Variants in CDH13 observed in about 807,000 individuals in gnomAD.
CDH13 encodes cadherin 13.
CDH13 carries 24 observed loss-of-function variants against 63.8 expected under a neutral mutation model. That is an observed-to-expected ratio of 0.38 (90% CI 0.27 to 0.53). CDH13 has a LOEUF of 0.53. Ranked by LOEUF, CDH13 falls within the 20% of genes least tolerant of loss-of-function variation. The probability of loss-of-function intolerance (pLI) is 0.85; values close to 1 mark genes in which losing one functional copy is unlikely to be tolerated. For missense variants in CDH13, 1,049 were observed against 903.1 expected (o/e 1.16, Z -2.07); for synonymous variants, 503 against 355.3 (o/e 1.42, Z -4.67).
At chr16:83,350,795 G>A (rs1260272293) in intron 6 of CDH13, among the ~76,000 whole-genome samples, 2 of 152,204 alleles carry the variant, frequency 1.3e-5, no homozygotes, top group African/African-American at 4.8e-5. Context: ...TGAGATAGGA[G>A]GCCGCTCTGA....
At chr16:83,173,166 T>C (rs1474018083) in intron 4 of CDH13, among the ~76,000 whole-genome samples, 1 of 152,156 alleles carries the variant, frequency 6.6e-6, no homozygotes, top group Non-Finnish European at 1.5e-5. Flanking sequence ...CTATGCCACT[T>C]ACATATGTCC....
rs151109520 is a variant in CDH13 at position 83,565,117 on chromosome 16, G to A, written c.961-37337G>A. Among the ~76,000 whole-genome samples, 1,086 of 152,212 alleles carry A rather than the reference G, an allele frequency of 7.1e-3. 12 individuals are homozygous for A. Among genetic ancestry groups the A allele is most frequent in the African/African-American group, 0.024 (1,003 of 41,528 alleles). Reference sequence around the variant, plus strand: ...GCCAGGTCTGTGGGTCCTCTTTCATGTTTGTAGTTCTCCAATACTCTTCAG... The same window carrying A: ...GCCAGGTCTGTGGGTCCTCTTTCATATTTGTAGTTCTCCAATACTCTTCAG... On this transcript the variant is annotated intron_variant, in intron 7 of 13. Coordinates refer to ENST00000567109, the MANE Select transcript of CDH13 (RefSeq NM_001257.5).
intron 6 of CDH13, among the ~76,000 whole-genome samples, chr16:83,350,852 C>T (rs1397609888): frequency 1.3e-5 from 2 of 152,174 alleles, no homozygotes; most frequent in African/African-American, 2.4e-5. Context: ...CTCCAGGATC[C>T]ACCTGAGTTC....
intron 3 of CDH13, among the ~76,000 whole-genome samples, chr16:83,072,425 T>G (rs1328734711): frequency 6.6e-6 from 1 of 152,168 alleles, no homozygotes; most frequent in African/African-American, 2.4e-5. Flanking sequence ...ACACAATTAG[T>G]TTTTCCTGGA....
chr16:82,669,696 T>C (rs1176028186), intron 1 of CDH13, among the ~76,000 whole-genome samples: 2 of 152,230 alleles, frequency 1.3e-5, no homozygotes, highest in Non-Finnish European at 1.5e-5. Context: ...ACCTTTTCCA[T>C]ACAACTGTGC....
intron 3 of CDH13, among the ~76,000 whole-genome samples, chr16:83,104,339 T>C (rs993688943): frequency 1.3e-5 from 2 of 152,128 alleles, no homozygotes; most frequent in African/African-American, 4.8e-5. Flanking sequence ...AAGAATTTAT[T>C]AATGTAAACT....
chr16:83,297,376 A>G (rs546615065), intron 5 of CDH13, among the ~76,000 whole-genome samples: 22 of 152,320 alleles, frequency 1.4e-4, no homozygotes, highest in African/African-American at 4.6e-4. Context: ...TACGTCAATT[A>G]TTATGTGTCA....
chr16:83,398,455 T>C (rs1266322570), intron 6 of CDH13, among the ~76,000 whole-genome samples: 2 of 152,234 alleles, frequency 1.3e-5, no homozygotes, highest in Non-Finnish European at 2.9e-5. Context: ...ACATTTGCTA[T>C]TGGATTTAGG....
At chr16:83,352,333 T>G (rs1397931226) in intron 6 of CDH13, among the ~76,000 whole-genome samples, 1 of 152,188 alleles carries the variant, frequency 6.6e-6, no homozygotes, top group Non-Finnish European at 1.5e-5. Flanking sequence ...ACCTAGTCGT[T>G]CAAGAGGAAA....
intron 2 of CDH13, among the ~76,000 whole-genome samples, chr16:82,950,174 G>T (rs1464230737): frequency 2.6e-5 from 4 of 152,116 alleles, no homozygotes; most frequent in Non-Finnish European, 5.9e-5. Flanking sequence ...TCTGAGGGCT[G>T]TGAGGGGAAT....
chr16:83,048,282 G>A (rs1244634988), intron 3 of CDH13, among the ~76,000 whole-genome samples: 1 of 152,194 alleles, frequency 6.6e-6, no homozygotes, highest in African/African-American at 2.4e-5. Flanking sequence ...TATAAGGATT[G>A]ACTGAAATTA....
intron 4 of CDH13, among the ~76,000 whole-genome samples, chr16:83,168,608 T>TAA (rs149816946): frequency 1.3e-5 from 2 of 151,996 alleles, no homozygotes; most frequent in African/African-American, 4.8e-5. Context: ...AAAATAAATT[T>TAA]TAAAAAAAAC....
intron 5 of CDH13, among the ~76,000 whole-genome samples, chr16:83,260,477 G>A (rs935428308): frequency 6.6e-6 from 1 of 152,198 alleles, no homozygotes; most frequent in Non-Finnish European, 1.5e-5. Context: ...ACCAAGGGGA[G>A]TCTGTGGGAA....
chr16:83,276,569 C>A (rs1041561456), intron 5 of CDH13, among the ~76,000 whole-genome samples: 1 of 152,148 alleles, frequency 6.6e-6, no homozygotes, highest in African/African-American at 2.4e-5. Context: ...TGGCAGAAGA[C>A]AAGAGCATGT....
At chr16:82,736,742 G>A (rs1482862202) in intron 1 of CDH13, among the ~76,000 whole-genome samples, 1 of 152,048 alleles carries the variant, frequency 6.6e-6, no homozygotes, top group Non-Finnish European at 1.5e-5. Context: ...CACCTTCTTA[G>A]GATACACTCA....
At chr16:83,344,313 G>T (rs572554542) in intron 5 of CDH13, among the ~76,000 whole-genome samples, 104 of 152,234 alleles carry the variant, frequency 6.8e-4, no homozygotes, top group African/African-American at 2.4e-3. Flanking sequence ...GAAATCCTCC[G>T]AAATTGTAAA....
chr16:83,446,097 G>A (rs968923419), intron 6 of CDH13, among the ~76,000 whole-genome samples: 1 of 152,066 alleles, frequency 6.6e-6, no homozygotes, highest in Non-Finnish European at 1.5e-5. Flanking sequence ...GAGGTCAGGA[G>A]TTCAAGACCA....
At chr16:83,383,912 C>G (rs34469329) in intron 6 of CDH13, among the ~76,000 whole-genome samples, 51,778 of 151,964 alleles carry the variant, frequency 0.34, 9,925 homozygotes, top group Admixed American at 0.45. Flanking sequence ...GCTGCTAGGT[C>G]CTTTCAGCAG....
intron 10 of CDH13, among the ~76,000 whole-genome samples, chr16:83,730,515 A>G (rs1910917918): frequency 6.6e-6 from 1 of 152,258 alleles, no homozygotes; most frequent in Non-Finnish European, 1.5e-5. Context: ...CTAAACTGTG[A>G]CTTTTTAAAA....
Sources: gnomAD v4.1 joint callset for allele counts (sites outside exome capture counted in the v4.1 genomes callset) on GRCh38, gnomAD v4.1.1 for gene constraint, MANE v1.5 for transcripts, NCBI Gene and HGNC (gene_info 2026-07-23, HGNC 2026-07-21) for gene names.